TAS2R1: variants seen among roughly 807,000 people sequenced by gnomAD.
The protein encoded by TAS2R1 is taste 2 receptor member 1, also known as taste receptor type 2 member 1.
For synonymous variants in TAS2R1, 141 were observed against 134.2 expected (o/e 1.05, Z -0.35); for missense variants, 370 against 353.4 (o/e 1.05, Z -0.38).
At chr5:9,681,700 A>G (rs1441133346) in intron 1 of TAS2R1, among the ~76,000 whole-genome samples, 1 of 152,028 alleles carries the variant, frequency 6.6e-6, no homozygotes, top group East Asian at 1.9e-4. Flanking sequence ...ACTATAATGG[A>G]TTGATTGGGA....
the TAS2R1 span, among the ~76,000 whole-genome samples, chr5:9,781,150 G>A: frequency 6.6e-6 from 1 of 152,156 alleles, no homozygotes; most frequent in African/African-American, 2.4e-5. Context: ...AGTCCAAATT[G>A]TTTTGTGTAT....
chr5:9,802,006 G>A, the TAS2R1 span, among the ~76,000 whole-genome samples: 1 of 152,112 alleles, frequency 6.6e-6, no homozygotes, highest in Non-Finnish European at 1.5e-5. Flanking sequence ...CCTGCCAACT[G>A]CCTGAGAAAC....
the TAS2R1 span, among the ~76,000 whole-genome samples, chr5:9,783,028 G>A: frequency 3.3e-5 from 5 of 152,136 alleles, no homozygotes; most frequent in Admixed American, 2.0e-4. Flanking sequence ...TGCAGACATC[G>A]CTGTCCTTGC....
intron 2 of TAS2R1, among the ~76,000 whole-genome samples, chr5:9,639,112 C>T (rs1304806453): frequency 2.0e-5 from 3 of 152,198 alleles, no homozygotes; most frequent in African/African-American, 7.2e-5. Context: ...CTCCCACTCA[C>T]ACCCCAGACT....
chr5:9,889,567 T>C, the TAS2R1 span: 1 of 152,066 alleles, frequency 6.6e-6, no homozygotes, highest in African/African-American at 2.4e-5. Context: ...CTGTTTTTTA[T>C]TGGTGGCGGG....
chr5:9,706,957 CTTTA>C (rs1741628381), intron 1 of TAS2R1, among the ~76,000 whole-genome samples: 1 of 152,038 alleles, frequency 6.6e-6, no homozygotes, highest in South Asian at 2.1e-4. Context: ...TTTTTCTTCC[CTTTA>C]TTTCTCTCTA....
the TAS2R1 span, among the ~76,000 whole-genome samples, chr5:9,832,101 C>A: frequency 6.6e-6 from 1 of 152,206 alleles, no homozygotes; most frequent in African/African-American, 2.4e-5. Context: ...GGCTTAGGTT[C>A]TTTGTGTCTT....
At chr5:9,811,917 C>G in the TAS2R1 span, among the ~76,000 whole-genome samples, 2 of 152,122 alleles carry the variant, frequency 1.3e-5, no homozygotes, top group Non-Finnish European at 2.9e-5. Flanking sequence ...CCTTTCCTTT[C>G]TCAAACATGA....
chr5:9,747,206 T>C, the TAS2R1 span, among the ~76,000 whole-genome samples: 1 of 152,144 alleles, frequency 6.6e-6, no homozygotes, highest in Admixed American at 6.6e-5. Flanking sequence ...AATATGGATA[T>C]CATTAGGAAC....
At chr5:9,784,752 C>T in the TAS2R1 span, among the ~76,000 whole-genome samples, 5 of 152,226 alleles carry the variant, frequency 3.3e-5, no homozygotes, top group East Asian at 1.9e-4. Context: ...GCCACCAATC[C>T]TTGGGTTTCC....
At chr5:9,835,848 G>C in the TAS2R1 span, among the ~76,000 whole-genome samples, 1 of 152,204 alleles carries the variant, frequency 6.6e-6, no homozygotes, top group Non-Finnish European at 1.5e-5. Flanking sequence ...GGGTGGCTGA[G>C]TTAAAACTGT....
At chr5:9,666,638 G>T (rs1210621343) in intron 1 of TAS2R1, among the ~76,000 whole-genome samples, 2 of 152,046 alleles carry the variant, frequency 1.3e-5, no homozygotes, top group Non-Finnish European at 2.9e-5. Flanking sequence ...TCTTCCTATT[G>T]CTGGGTGGGG....
Position 9,672,027 on chromosome 5 carries a change from A to G in TAS2R1, c.-241-12446T>C, listed in dbSNP as rs148978163. ...GTGATCTTTGATGAAGTCAACAAAA[A>G]CAAGCAATAGGGGAAGGACTCCCTA... On this transcript the variant is annotated intron_variant, in intron 1 of 2. Transcript: ENST00000506620. 2.1e-3 allele frequency among the ~76,000 whole-genome samples: 325 copies of G among 152,274 alleles called. 2 individuals carry two copies. The highest frequency in any genetic ancestry group is 6.7e-3 in the African/African-American group (279 of 41,564).
At chr5:9,897,408 C>A in the TAS2R1 span, among the ~76,000 whole-genome samples, 14 of 152,160 alleles carry the variant, frequency 9.2e-5, no homozygotes, top group African/African-American at 3.4e-4. Context: ...GAGATCACGC[C>A]GCTGCACTCC....
the TAS2R1 span, among the ~76,000 whole-genome samples, chr5:9,798,959 G>A: frequency 6.6e-6 from 1 of 152,154 alleles, no homozygotes; most frequent in African/African-American, 2.4e-5. Context: ...CTCTCAGGCA[G>A]GCATATACAC....
chr5:9,637,832 C>T (rs1406953733), intron 2 of TAS2R1, among the ~76,000 whole-genome samples: 2 of 152,134 alleles, frequency 1.3e-5, no homozygotes, highest in East Asian at 1.9e-4. Context: ...CCATATCCTA[C>T]ATTTTTAAAA....
At chr5:9,703,358 TATAATACTG>T (rs946309590) in intron 1 of TAS2R1, among the ~76,000 whole-genome samples, 4 of 152,156 alleles carry the variant, frequency 2.6e-5, no homozygotes, top group African/African-American at 9.7e-5. Context: ...TAACTAAGTC[TATAATACTG>T]ATGGGTGCTT....
chr5:9,714,810 T>C (rs1021741004), upstream of TAS2R1, among the ~76,000 whole-genome samples: 1 of 152,240 alleles, frequency 6.6e-6, no homozygotes, highest in African/African-American at 2.4e-5. Flanking sequence ...AGAGCCAATC[T>C]AGAAACAGAA....
chr5:9,820,246 T>C, the TAS2R1 span, among the ~76,000 whole-genome samples: 2 of 152,124 alleles, frequency 1.3e-5, no homozygotes, highest in Non-Finnish European at 2.9e-5. Flanking sequence ...TCCATCTCTA[T>C]TCCAGACTGC....
Sources: gnomAD v4.1 joint callset for allele counts (sites outside exome capture counted in the v4.1 genomes callset) on GRCh38, gnomAD v4.1.1 for gene constraint, MANE v1.5 for transcripts, NCBI Gene and HGNC (gene_info 2026-07-23, HGNC 2026-07-21) for gene names.